EDC4: variants seen among roughly 807,000 people sequenced by gnomAD.
The protein encoded by EDC4 is enhancer of mRNA decapping 4, also known as enhancer of mRNA-decapping protein 4.
In EDC4, 64 loss-of-function variants were observed where a neutral mutation model predicts 155.8. That is an observed-to-expected ratio of 0.41 (90% CI 0.34 to 0.51). The LOEUF is 0.51. EDC4 is among the 20% of genes least tolerant of loss of function. The pLI, the probability that EDC4 is intolerant of heterozygous loss-of-function variation, is 0.19. For synonymous variants in EDC4, 684 were observed against 716.8 expected, an observed-to-expected ratio of 0.95 and a Z score of 0.73; for missense variants, 1,303 against 1,812.5, an observed-to-expected ratio of 0.72 and a Z score of 5.10.
rs375089534 is a variant in EDC4 at position 67,878,715 on chromosome 16, A to G, written c.1185-22A>G. On this transcript the variant is annotated intron_variant, in intron 10 of 28. Transcript: ENST00000358933. This position sits in a 1 kb window ranked among gnomAD's most constrained non-coding sequence, Gnocchi z 5.2. ...CTTCCTTCAGTTCTCAGGCTCATTC[A>G]CTCTGCTTTGTGGCTCTCTAGCTTC... 5.1e-4 allele frequency: 829 copies of G among 1,613,820 alleles called. No individual in the cohort carries two copies. The highest frequency in any genetic ancestry group is 6.7e-4 in the Non-Finnish European group (785 of 1,179,986).
At position 67,876,739 on chromosome 16, in the gene EDC4, C is replaced by A. The variant is rs1463187407; in HGVS notation, c.352-134C>A. ...GAAGCCAGGGCTGGGTGCCAAGCCT[C>A]TGTGGGAGTCTGGCTCCAGGAGGTA... On this transcript the variant is annotated intron_variant, in intron 3 of 28. Coordinates refer to ENST00000358933, the MANE Select transcript of EDC4 (RefSeq NM_014329.5). This position sits in a 1 kb window ranked among gnomAD's most constrained non-coding sequence, Gnocchi z 5.8. The A allele has an allele frequency of 3.9e-6, 6 of 1,557,636 alleles. No individual in the cohort carries two copies. The highest frequency in any genetic ancestry group is 5.2e-6 in the Non-Finnish European group (6 of 1,150,366).
rs1405347573 is a variant in EDC4, at chr16:67,881,332, C to T, written c.2704C>T (p.Pro902Ser). The change falls in exon 20 of 29, where the codon CCA becomes TCA. Residue 902 changes from proline to serine, a missense_variant. Physicochemically the swap from Pro to Ser is moderately conservative, Grantham distance 74. Coordinates refer to ENST00000358933, the MANE Select transcript of EDC4 (RefSeq NM_014329.5). This position sits in a 1 kb window ranked among gnomAD's most constrained non-coding sequence, Gnocchi z 5.4. ...SGGFGTKVPA[P>S]RLPAKDWKTK... ...AGGCTTTGGCACCAAAGTTCCTGCT[C>T]CACGGCTGCCTGCCAAGGACTGGAA... 3 of 1,614,054 alleles carry T rather than the reference C, an allele frequency of 1.9e-6. No homozygotes were observed. Among genetic ancestry groups the T allele is most frequent in the South Asian group, 2.2e-5 (2 of 91,090 alleles).
At position 67,873,342 on chromosome 16, in the gene EDC4, C is replaced by T; in HGVS notation, c.81C>T (p.Gly27=). The T allele has an allele frequency of 6.9e-7, 1 of 1,450,796 alleles. No homozygotes were observed. The allele number at this position is 1,450,796 out of a possible 1,614,324, so 89.9% of individuals were successfully genotyped here. A position where few individuals can be genotyped will look rare whatever the true frequency, so the allele number is the denominator to read the frequency against. The part of the protein sequence containing the change: ...RDILKLDRPA[G]GPSAESPRPS... Reference sequence around the variant, plus strand: ...TCCTCAAGCTGGACCGGCCCGCGGGCGGTGAGCGGGGGTTGCGGGGGTGGG... The same window carrying T: ...TCCTCAAGCTGGACCGGCCCGCGGGTGGTGAGCGGGGGTTGCGGGGGTGGG... Residue 27 remains glycine, a splice_region_variant and synonymous_variant, in exon 1 of 29, where the codon GGC becomes GGT. Transcript: ENST00000358933.
In EDC4 at chr16:67,877,773, C is replaced by T. The variant is rs766152047; in HGVS notation, c.822C>T (p.Ser274=). 6 of 1,614,056 alleles carry T rather than the reference C, an allele frequency of 3.7e-6. No homozygotes were observed. The African/African-American group carries it at 8.0e-5, about 22-fold the overall frequency. Residue 274 remains serine, a synonymous_variant, in exon 7 of 29, where the codon TCC becomes TCT. Transcript: ENST00000358933. This position sits in a 1 kb window ranked among gnomAD's most constrained non-coding sequence, Gnocchi z 4.9. ...TGTGGGACCTGGACATGCTCCGCTC[C>T]AGCCACAGTACCTGGCCTGTGGATG... is the stretch of plus-strand genomic sequence containing the variant. The part of the protein sequence containing the change: ...AEVWDLDMLR[S]SHSTWPVDVS...
chr16:67,876,032 A>G lies in EDC4; in HGVS notation c.170A>G (p.Asp57Gly). 1.2e-6 allele frequency: 2 copies of G among 1,614,214 alleles called. No homozygotes were observed. Among genetic ancestry groups the G allele is most frequent in the South Asian group, 1.1e-5 (1 of 91,080 alleles). ...LLVPDPLCSG[D>G]STSANKTGLR... ...GTCCCAGACCCGCTCTGCTCAGGTG[A>G]TAGTACCTCAGCAAACAAGACTGGT... Residue 57 changes from aspartate to glycine, a missense_variant, in exon 2 of 29, where the codon GAT (aspartate) becomes GGT (glycine). Asp to Gly is a moderately conservative substitution (Grantham distance 94, BLOSUM62 -1). Coordinates refer to ENST00000358933, the MANE Select transcript of EDC4 (RefSeq NM_014329.5). The surrounding 1 kb of genome is among the most constrained non-coding windows in gnomAD (Gnocchi z 5.8).
At position 67,879,669 on chromosome 16, in the gene EDC4, C is replaced by T. The variant is rs139500348; in HGVS notation, c.1716C>T (p.Ile572=). Residue 572 remains isoleucine (I), a synonymous_variant, in exon 15 of 29, where the codon ATC becomes ATT. Transcript: ENST00000358933. This position sits in a 1 kb window ranked among gnomAD's most constrained non-coding sequence, Gnocchi z 6.0. ...GCTCCCAGCCTGACCTCCGACGAAT[C>T]GTGGAGCTGCCTGCACCTGCCGACT... The part of the protein sequence containing the change: ...AHGSQPDLRR[I]VELPAPADFL... 2.5e-5 allele frequency: 40 copies of T among 1,614,008 alleles called. No individual in the cohort carries two copies. The Middle Eastern group carries it at 4.9e-4, about 20-fold the overall frequency.
In EDC4 at chr16:67,879,208, G is replaced by A. The variant is rs1440038906; in HGVS notation, c.1469-29G>A. 8 of 1,614,052 alleles carry A rather than the reference G, an allele frequency of 5.0e-6. No homozygotes were observed. The highest frequency in any genetic ancestry group is 6.8e-6 in the Non-Finnish European group (8 of 1,180,020). On this transcript the variant is annotated intron_variant, in intron 12 of 28. Transcript: ENST00000358933. The surrounding 1 kb of genome is among the most constrained non-coding windows in gnomAD (Gnocchi z 6.0). The stretch of plus-strand genomic sequence containing the variant: ...GTTGTGGAGGCACAGAGAGGGCCAG[G>A]GGCTTCATCATCCACACTGTCCTTT...
chr16:67,881,028 G>A lies in EDC4; in HGVS notation c.2531+38G>A. On this transcript the variant is annotated intron_variant, in intron 18 of 28. Transcript: ENST00000358933. This position sits in a 1 kb window ranked among gnomAD's most constrained non-coding sequence, Gnocchi z 5.4. ...GGAGGGGAAAAGTGTGCTAGCAGGA[G>A]GGGCTTCAGATAGATTCATCCATGG... 2.5e-6 allele frequency: 4 copies of A among 1,613,878 alleles called. No homozygotes were observed. Among genetic ancestry groups the A allele is most frequent in the Non-Finnish European group, 3.4e-6 (4 of 1,179,976 alleles).
chr16:67,879,559 C>A lies in EDC4; in HGVS notation c.1634-28C>A. 6.2e-7 allele frequency: 1 copy of A among 1,613,740 alleles called. No individual in the cohort carries two copies. The highest frequency in any genetic ancestry group is 8.5e-7 in the Non-Finnish European group (1 of 1,179,706). ...AGTTGGACTGACCAGGGTCTGAGAT[C>A]TAACTCAAGTGGCAACTTGCCCTGC... is the stretch of plus-strand genomic sequence containing the variant. On this transcript the variant is annotated intron_variant, in intron 14 of 28. Transcript: ENST00000358933. This position sits in a 1 kb window ranked among gnomAD's most constrained non-coding sequence, Gnocchi z 6.0.
rs910175019 is a variant in EDC4, at chr16:67,878,249, C to T, written c.978C>T (p.Ile326=). Residue 326 remains isoleucine, a synonymous_variant, in exon 8 of 29, where the codon ATC becomes ATT. Coordinates refer to ENST00000358933, the MANE Select transcript of EDC4 (RefSeq NM_014329.5). The surrounding 1 kb of genome is among the most constrained non-coding windows in gnomAD (Gnocchi z 5.2). ...SHDGYVKFWQ[I]YIEGQDEPRC... ...ATGGCTATGTCAAGTTCTGGCAGAT[C>T]TACATTGAGGGGCAAGATGAGCCAA... The T allele has an allele frequency of 6.2e-7, 1 of 1,614,192 alleles. No individual in the cohort carries two copies. The highest frequency in any genetic ancestry group is 1.7e-5 in the Admixed American group (1 of 60,026).
In EDC4 at chr16:67,881,918, G is replaced by T; in HGVS notation, c.3005-36G>T. ...ATTCTTGGCCTGGGAAGGAGTACACGACCTGCTCCAGGCCCGTTCCTTAGC... is the reference window on the plus strand; with the variant it reads ...ATTCTTGGCCTGGGAAGGAGTACACTACCTGCTCCAGGCCCGTTCCTTAGC... On this transcript the variant is annotated intron_variant, in intron 22 of 28. Coordinates refer to ENST00000358933, the MANE Select transcript of EDC4 (RefSeq NM_014329.5). The surrounding 1 kb of genome is among the most constrained non-coding windows in gnomAD (Gnocchi z 5.4). The T allele has an allele frequency of 6.2e-7, 1 of 1,602,898 alleles. No homozygotes were observed. The highest frequency in any genetic ancestry group is 8.5e-7 in the Non-Finnish European group (1 of 1,171,980).
rs376327554 is a variant in EDC4, at chr16:67,876,073, C to G, written c.211C>G (p.Pro71Ala). 2.8e-5 allele frequency: 45 copies of G among 1,614,152 alleles called. No individual in the cohort carries two copies. Among genetic ancestry groups the G allele is most frequent in the Non-Finnish European group, 3.6e-5 (43 of 1,180,024 alleles). ...CAAGACTGGTCTTCGGACCATGCCACCCATTAACCTGCAAGAGAAGCAGGT... is the reference window on the plus strand; with the variant it reads ...CAAGACTGGTCTTCGGACCATGCCAGCCATTAACCTGCAAGAGAAGCAGGT... ...ANKTGLRTMP[P>A]INLQEKQVIC... Residue 71 changes from proline (P) to alanine (A), a missense_variant, in exon 2 of 29, where the codon CCC becomes GCC. By Grantham distance (27) the Pro-to-Ala change is conservative (BLOSUM62 -1). Coordinates refer to ENST00000358933, the MANE Select transcript of EDC4 (RefSeq NM_014329.5). This position sits in a 1 kb window ranked among gnomAD's most constrained non-coding sequence, Gnocchi z 5.8.
In EDC4 at chr16:67,878,174, T is replaced by C; in HGVS notation, c.903T>C (p.Ser301=). The C allele has an allele frequency of 6.2e-7, 1 of 1,614,154 alleles. No individual in the cohort carries two copies. ...IVVKGHSTCL[S]EGALSPDGTV... is the part of the protein sequence containing the mutation. ...TTTTGGGTTCTTTCTAGTGCCTCAG[T>C]GAAGGAGCCCTCTCTCCTGATGGGA... The change falls in exon 8 of 29, where the codon AGT becomes AGC. Residue 301 remains serine, a synonymous_variant. Transcript: ENST00000358933. The surrounding 1 kb of genome is among the most constrained non-coding windows in gnomAD (Gnocchi z 5.2).
intron 1 of EDC4, among the ~76,000 whole-genome samples, chr16:67,875,431 G>C (rs933397572): frequency 6.6e-6 from 1 of 152,126 alleles, no homozygotes; most frequent in African/African-American, 2.4e-5. Context: ...CATTCTGCAT[G>C]CTATCTTAGA....
At chr16:67,874,234 T>C (rs1277145200) in intron 1 of EDC4, among the ~76,000 whole-genome samples, 3 of 152,138 alleles carry the variant, frequency 2.0e-5, no homozygotes. Flanking sequence ...GTGCAGGCAC[T>C]AGTTTACTGA....
In EDC4 at chr16:67,880,209, C is replaced by T. The variant is rs765594833; in HGVS notation, c.2090C>T (p.Pro697Leu). The change falls in exon 17 of 29, where the codon CCG becomes CTG. Residue 697 changes from proline (P) to leucine (L), a missense_variant. By Grantham distance (98) the Pro-to-Leu change is moderately conservative (BLOSUM62 -3). Transcript: ENST00000358933. This position sits in a 1 kb window ranked among gnomAD's most constrained non-coding sequence, Gnocchi z 5.2. ...APADKLTPKG[P>L]GQVPTATSAL... ...GCTGACAAACTGACTCCCAAGGGGCCGGGCCAGGTGTGTGACTGGGTGTGT... is the reference window on the plus strand; with the variant it reads ...GCTGACAAACTGACTCCCAAGGGGCTGGGCCAGGTGTGTGACTGGGTGTGT... 24 of 1,605,078 alleles carry T rather than the reference C, an allele frequency of 1.5e-5. No individual in the cohort carries two copies. Among genetic ancestry groups the T allele is most frequent in the African/African-American group, 5.3e-5 (4 of 74,790 alleles).
chr16:67,873,382 A>T, intron 1 of EDC4, 39 bp downstream of exon 1: 5 of 1,399,108 alleles, frequency 3.6e-6, no homozygotes, highest in Non-Finnish European at 4.6e-6. Context: ...AGGCGAGCTG[A>T]CAAAAGGGCG....
rs202070870 is a variant in EDC4, at chr16:67,882,417, C to T, written c.3277-12C>T. On this transcript the variant is annotated splice_polypyrimidine_tract_variant and intron_variant, in intron 24 of 28. Transcript: ENST00000358933. The surrounding 1 kb of genome is among the most constrained non-coding windows in gnomAD (Gnocchi z 7.2). ...CTCAGGCTTTCAACTTGGCCCCTCC[C>T]TCTAACCCCAGAACTTGACTGATGC... The T allele has an allele frequency of 6.8e-6, 11 of 1,613,024 alleles. No individual in the cohort carries two copies. The South Asian group carries it at 9.9e-5, about 14-fold the overall frequency.
Position 67,883,366 on chromosome 16 carries a change from C to T in EDC4, c.3849+189C>T. On this transcript the variant is annotated intron_variant, in intron 27 of 28. Coordinates refer to ENST00000358933, the MANE Select transcript of EDC4 (RefSeq NM_014329.5). This position sits in a 1 kb window ranked among gnomAD's most constrained non-coding sequence, Gnocchi z 5.3. ...GACCCCTTTCTTCCCACCTAGCCCACCTTGCTTTACAACTACCCTTCTCAG... is the reference window on the plus strand; with the variant it reads ...GACCCCTTTCTTCCCACCTAGCCCATCTTGCTTTACAACTACCCTTCTCAG... 1.6e-6 allele frequency: 2 copies of T among 1,288,920 alleles called. No homozygotes were observed. The highest frequency in any genetic ancestry group is 1.4e-5 in the South Asian group (1 of 70,330). The allele number at this position is 1,288,920 out of a possible 1,614,324, so 79.8% of individuals were successfully genotyped here. A position where few individuals can be genotyped will look rare whatever the true frequency, so the allele number is the denominator to read the frequency against.
Sources: allele counts gnomAD v4.1 joint callset (sites outside exome capture counted in the v4.1 genomes callset), GRCh38; gene constraint gnomAD v4.1.1; non-coding constraint Gnocchi (gnomAD v3.1); transcripts MANE v1.5; gene names NCBI Gene and HGNC (gene_info 2026-07-23, HGNC 2026-07-21).